Variants in UBR4 observed in about 807,000 individuals in gnomAD.
UBR4 encodes ubiquitin protein ligase E3 component n-recognin 4.
UBR4 carries 124 observed loss-of-function variants against 575.6 expected under a neutral mutation model. The ratio of observed to expected loss-of-function variants is 0.22; its 90% CI spans 0.19 to 0.25. The LOEUF (loss-of-function observed/expected upper bound fraction) is 0.25, where lower values mean the gene tolerates loss of function less well. Ranked by LOEUF, UBR4 falls within the 10% of genes least tolerant of loss-of-function variation. The probability of loss-of-function intolerance (pLI) is 1.00; values close to 1 mark genes in which losing one functional copy is unlikely to be tolerated. For synonymous variants in UBR4, 2,455 were observed against 2,473.7 expected (o/e 0.99, Z 0.22); for missense variants, 4,818 against 6,478.8 (o/e 0.74, Z 8.80).
intron 17 of UBR4, among the ~76,000 whole-genome samples, chr1:19,183,493 G>A (rs935459351): frequency 1.7e-4 from 26 of 152,272 alleles, no homozygotes; most frequent in South Asian, 8.3e-4. Flanking sequence ...AGGCTGAGGC[G>A]GGCGGATCAC....
rs139179775 is a variant in UBR4, at chr1:19,131,730, G to A, written c.8907-2656C>T. Among the ~76,000 whole-genome samples the A allele has an allele frequency of 1.0e-3, 153 of 152,186 alleles. 1 individual carries two copies. The East Asian group carries it at 0.023, about 23-fold the overall frequency. On this transcript the variant is annotated intron_variant, in intron 60 of 105. Transcript: ENST00000375254. ...CTCTACTAAAAATACAAAATTAGCC[G>A]GGCGTGGTCACGCATGCCTGTAATC...
In UBR4 at chr1:19,078,063, C is replaced by T; in HGVS notation, c.15237G>A (p.Leu5079=). The T allele has an allele frequency of 6.2e-7, 1 of 1,613,926 alleles. No individual in the cohort carries two copies. The highest frequency in any genetic ancestry group is 8.5e-7 in the Non-Finnish European group (1 of 1,179,944). The stretch of plus-strand genomic sequence containing the variant: ...AATAGTCCTTCACTGCCTTATCTGT[C>T]AGCCTGGAAAAGAAAATCCAGTTCC... The part of the protein sequence containing the change: ...RAVAPGGATR[L]TDKAVKDYSA... Residue 5079 remains leucine (L), a synonymous_variant, in exon 104 of 106, where the codon CTG becomes CTA. Coordinates refer to ENST00000375254, the MANE Select transcript of UBR4 (RefSeq NM_020765.3).
rs1177098769 is a variant in UBR4, at chr1:19,074,897, C to A, written c.15488-1G>T. 6.2e-7 allele frequency: 1 copy of A among 1,613,872 alleles called. No individual in the cohort carries two copies. The highest frequency in any genetic ancestry group is 1.3e-5 in the African/African-American group (1 of 74,908). The stretch of plus-strand genomic sequence containing the variant: ...GGATCGGTGATTTCTGATAAAAGAC[C>A]TGCAAAGCACAACGGGCAGAGGTGT... On this transcript the variant is annotated splice_acceptor_variant, in intron 105 of 105. Transcript: ENST00000375254. LOFTEE classifies it high-confidence loss of function.
intron 7 of UBR4, 99 bp downstream of exon 7, chr1:19,197,571 G>A: frequency 6.6e-7 from 1 of 1,504,560 alleles, no homozygotes; most frequent in African/African-American, 1.4e-5. Flanking sequence ...AGGTTACAGT[G>A]AACCGAGACT....
At chr1:19,128,914 T>C in intron 61 of UBR4, 64 bp downstream of exon 61, 3 of 1,442,514 alleles carry the variant, frequency 2.1e-6, no homozygotes, top group Non-Finnish European at 2.9e-6. Flanking sequence ...GGAAGAGAGA[T>C]GTGGGCATGC....
chr1:19,157,174 G>GT lies in UBR4; in HGVS notation c.5761-250dup, dbSNP rs2086569213. Among the ~76,000 whole-genome samples the GT allele has an allele frequency of 6.6e-6, 1 of 152,182 alleles. No individual in the cohort carries two copies. Among genetic ancestry groups the GT allele is most frequent in the South Asian group, 2.1e-4 (1 of 4,834 alleles). On this transcript the variant is annotated intron_variant, in intron 40 of 105. Coordinates refer to ENST00000375254, the MANE Select transcript of UBR4 (RefSeq NM_020765.3). The surrounding 1 kb of genome is among the most constrained non-coding windows in gnomAD (Gnocchi z 4.4). ...TTCTCTTTATATAGTTCACAAAATA[G>GT]TTTAAGAATACCTACGTACCACTGT...
chr1:19,121,456 G>A (rs774006368), intron 67 of UBR4, 22 bp from the exon 68 acceptor site: 3 of 1,606,728 alleles, frequency 1.9e-6, no homozygotes, highest in Non-Finnish European at 2.6e-6. Flanking sequence ...GGAGACAGAG[G>A]CTCACCTCTG....
At chr1:19,141,287 C>T (rs1244244476) in intron 57 of UBR4, 60 bp downstream of exon 57, 1 of 1,611,102 alleles carries the variant, frequency 6.2e-7, no homozygotes. Flanking sequence ...CAGTAACTGC[C>T]AAACCCTCTT....
In UBR4 at chr1:19,184,067, T is replaced by C. The variant is rs1557949770; in HGVS notation, c.2047A>G (p.Met683Val). 5.0e-6 allele frequency: 8 copies of C among 1,614,056 alleles called. No homozygotes were observed. Among genetic ancestry groups the C allele is most frequent in the Non-Finnish European group, 6.8e-6 (8 of 1,180,040 alleles). ...YLSVSLSEHHMATLASIIKEV... is the reference protein window; with the variant it reads ...YLSVSLSEHHVATLASIIKEV... Reference sequence around the variant, plus strand: ...TTGATGATACTGGCTAGGGTGGCCATATGGTGTTCTGAAAGAGATACACTC... The same window carrying C: ...TTGATGATACTGGCTAGGGTGGCCACATGGTGTTCTGAAAGAGATACACTC... The change falls in exon 16 of 106, where the codon ATG (methionine) becomes GTG (valine). Residue 683 changes from methionine (M) to valine (V), a missense_variant. Met to Val is a conservative substitution (Grantham distance 21, BLOSUM62 1). Around this residue, in one of 29 missense-constraint regions of UBR4, gnomAD observed 1,172 missense variants for 1,259.7 expected, o/e 0.93. Transcript: ENST00000375254.
intron 22 of UBR4, 133 bp downstream of exon 22, chr1:19,174,186 G>C: frequency 8.2e-7 from 1 of 1,215,874 alleles, no homozygotes; most frequent in East Asian, 2.6e-5. Flanking sequence ...AAACTACCTA[G>C]AAATACTCAA....
chr1:19,151,088 A>C, intron 48 of UBR4: 1 of 458,908 alleles, frequency 2.2e-6, no homozygotes, highest in South Asian at 2.5e-5. Flanking sequence ...CCTCACTCCC[A>C]GGGGTCTCTA....
At chr1:19,085,479 G>A (rs150772282) in intron 101 of UBR4, among the ~76,000 whole-genome samples, 1,538 of 152,318 alleles carry the variant, frequency 0.01, 22 homozygotes, top group African/African-American at 0.034. Context: ...CCAAGATCAC[G>A]CCACTGCACT....
chr1:19,164,872 C>T lies in UBR4; in HGVS notation c.4438G>A (p.Asp1480Asn), dbSNP rs942136424. 2 of 1,614,122 alleles carry T rather than the reference C, an allele frequency of 1.2e-6. No homozygotes were observed. The highest frequency in any genetic ancestry group is 1.7e-6 in the Non-Finnish European group (2 of 1,180,016). ...TTCTCCTGAATTACATCCAGCTGATCAGAATCTTTTGGGGGCGATGTAGTC... is the reference window on the plus strand; with the variant it reads ...TTCTCCTGAATTACATCCAGCTGATTAGAATCTTTTGGGGGCGATGTAGTC... ...RMTTSPPKDS[D>N]QLDVIQENRQ... Residue 1480 changes from aspartate (D) to asparagine (N), a missense_variant, in exon 32 of 106, where the codon GAT (aspartate) becomes AAT (asparagine). Physicochemically the swap from Asp to Asn is conservative, Grantham distance 23 (BLOSUM62 1). Coordinates refer to ENST00000375254, the MANE Select transcript of UBR4 (RefSeq NM_020765.3).
chr1:19,154,666 G>A (rs2086202194), intron 44 of UBR4, among the ~76,000 whole-genome samples: 1 of 152,164 alleles, frequency 6.6e-6, no homozygotes, highest in East Asian at 1.9e-4. Context: ...TTTTCCTTCT[G>A]AGTAACAGTG....
Position 19,104,168 on chromosome 1 carries a change from A to G in UBR4, c.12817T>C (p.Leu4273=). The change falls in exon 87 of 106, where the codon TTG becomes CTG. Residue 4273 remains leucine, a synonymous_variant. Coordinates refer to ENST00000375254, the MANE Select transcript of UBR4 (RefSeq NM_020765.3). ...VGTVLNGYLC[L]RKLVVQRTKL... is the part of the protein sequence containing the mutation. ...GTCCTCTGCACCACCAGCTTCCGCA[A>G]GCACAGGTATCCATTCAGCACAGTA... The G allele has an allele frequency of 1.9e-6, 3 of 1,614,256 alleles. No individual in the cohort carries two copies. The highest frequency in any genetic ancestry group is 2.5e-6 in the Non-Finnish European group (3 of 1,180,048).
chr1:19,113,052 A>C (rs2080075121), intron 77 of UBR4, 185 bp from the exon 78 acceptor site: 1 of 649,304 alleles, frequency 1.5e-6, no homozygotes, highest in Non-Finnish European at 2.5e-6. Flanking sequence ...GCTTGGAGAA[A>C]GTGGCTTGAC....
chr1:19,132,098 A>G (rs2149726115), intron 60 of UBR4, among the ~76,000 whole-genome samples: 1 of 150,036 alleles, frequency 6.7e-6, no homozygotes, highest in African/African-American at 2.4e-5. Flanking sequence ...TCAAAACACA[A>G]CATTATCAAA....
At chr1:19,175,433 A>G (rs115127377) in intron 20 of UBR4, among the ~76,000 whole-genome samples, 1,806 of 152,324 alleles carry the variant, frequency 0.012, 25 homozygotes, top group African/African-American at 0.038. Flanking sequence ...CCCTAACATC[A>G]AATAGTAAAA....
intron 60 of UBR4, 104 bp downstream of exon 60, chr1:19,137,903 T>C: frequency 8.3e-7 from 1 of 1,209,162 alleles, no homozygotes; most frequent in East Asian, 2.8e-5. Context: ...TCAAAAGAAA[T>C]ATGCTGTTAT....
Sources: allele counts gnomAD v4.1 joint callset (sites outside exome capture counted in the v4.1 genomes callset), GRCh38; gene constraint gnomAD v4.1.1; regional missense constraint gnomAD v4.1.1; non-coding constraint Gnocchi (gnomAD v3.1); transcripts MANE v1.5; gene names NCBI Gene and HGNC (gene_info 2026-07-23, HGNC 2026-07-21).